MYZAP: variants seen among roughly 807,000 people sequenced by gnomAD.
The protein encoded by MYZAP is GRINL1A complex locus upstream.
In MYZAP, 66 loss-of-function variants were observed where a neutral mutation model predicts 69.4. The ratio of observed to expected loss-of-function variants is 0.95; its 90% confidence interval spans 0.78 to 1.17. MYZAP has a LOEUF of 1.17. MYZAP is among the 50% of genes most tolerant of loss of function. The probability of loss-of-function intolerance (pLI) is 0.00; values close to 1 mark genes in which losing one functional copy is unlikely to be tolerated. For missense variants in MYZAP, 611 were observed against 556.2 expected (o/e 1.10, Z -0.99); for synonymous variants, 256 against 205.9 (o/e 1.24, Z -2.09).
intron 8 of MYZAP, 84 bp downstream of exon 8, chr15:57,633,825 G>A (rs1471942407): frequency 1.5e-6 from 2 of 1,331,540 alleles, no homozygotes; most frequent in Admixed American, 3.0e-5. Context: ...CCCTGGATAT[G>A]GATTCCTCTC....
intron 10 of MYZAP, among the ~76,000 whole-genome samples, chr15:57,653,439 AC>A (rs1165959915): frequency 6.6e-6 from 1 of 152,194 alleles, no homozygotes; most frequent in Non-Finnish European, 1.5e-5. Flanking sequence ...ACAAAATAAA[AC>A]AAATTTTAAA....
At chr15:57,623,530 C>T (rs377130563) in intron 4 of MYZAP, among the ~76,000 whole-genome samples, 57 of 152,122 alleles carry the variant, frequency 3.7e-4, no homozygotes, top group African/African-American at 1.3e-3. Flanking sequence ...GTCAGGAGTT[C>T]GAGACCAGCC....
At chr15:57,609,301 C>T (rs1226178807) in intron 2 of MYZAP, among the ~76,000 whole-genome samples, 3 of 152,160 alleles carry the variant, frequency 2.0e-5, no homozygotes, top group African/African-American at 4.8e-5. Flanking sequence ...CTTCAATAAC[C>T]GAAAGTATTC....
chr15:57,604,433 G>GC (rs777508957), intron 2 of MYZAP, 78 bp downstream of exon 2: 331 of 1,516,444 alleles, frequency 2.2e-4, no homozygotes, highest in Non-Finnish European at 2.9e-4. Flanking sequence ...TCCTAACCAG[G>GC]CCATTCCCAG....
chr15:57,625,908 C>T lies in MYZAP; in HGVS notation c.525+16C>T. The stretch of plus-strand genomic sequence containing the variant: ...TGGCCTGCAGGTACTCATCTGCTTA[C>T]TGCTATGACAGGGCAACCCAGCTTA... On this transcript the variant is annotated intron_variant, in intron 5 of 12. Coordinates refer to ENST00000267853, the MANE Select transcript of MYZAP (RefSeq NM_001018100.5). 1 of 1,611,348 alleles carries T rather than the reference C, an allele frequency of 6.2e-7. No homozygotes were observed. The highest frequency in any genetic ancestry group is 8.5e-7 in the Non-Finnish European group (1 of 1,177,518).
At chr15:57,621,761 C>T (rs2035834045) in intron 4 of MYZAP, 61 bp downstream of exon 4, 23 of 1,525,608 alleles carry the variant, frequency 1.5e-5, no homozygotes, top group South Asian at 1.5e-4. Flanking sequence ...AGTGGTCCCT[C>T]AGTGGCTAGT....
chr15:57,659,070 A>G (rs2038149052), intron 10 of MYZAP, among the ~76,000 whole-genome samples: 1 of 152,132 alleles, frequency 6.6e-6, no homozygotes, highest in South Asian at 2.1e-4. Flanking sequence ...GTGAGCTGTT[A>G]CTGTTTTATT....
intron 11 of MYZAP, among the ~76,000 whole-genome samples, chr15:57,662,422 C>T (rs1228563688): frequency 3.9e-4 from 59 of 152,296 alleles, no homozygotes; most frequent in African/African-American, 1.4e-3. Context: ...CTGTTAGTTA[C>T]TTTGGATATG....
chr15:57,605,653 G>GT (rs2034696828), intron 2 of MYZAP, among the ~76,000 whole-genome samples: 1 of 152,188 alleles, frequency 6.6e-6, no homozygotes, highest in African/African-American at 2.4e-5. Flanking sequence ...AGCAAATGAA[G>GT]TTCTGACTAG....
Position 57,664,836 on chromosome 15 carries a change from T to C in MYZAP, c.1203+3303T>C, listed in dbSNP as rs1202925290. Reference sequence around the variant, plus strand: ...TAGTAGTGATGTGATATTGAGCAAGTTAATTAACTGTCCTATGCCTTAGTT... The same window carrying C: ...TAGTAGTGATGTGATATTGAGCAAGCTAATTAACTGTCCTATGCCTTAGTT... On this transcript the variant is annotated intron_variant, in intron 11 of 12. Coordinates refer to ENST00000267853, the MANE Select transcript of MYZAP (RefSeq NM_001018100.5). Among the ~76,000 whole-genome samples, 3 of 152,178 alleles carry C rather than the reference T, an allele frequency of 2.0e-5. No individual in the cohort carries two copies. The East Asian group carries it at 5.8e-4, about 29-fold the overall frequency.
At chr15:57,625,628 T>G in intron 4 of MYZAP, 151 bp from the exon 5 acceptor site, 1 of 705,344 alleles carries the variant, frequency 1.4e-6, no homozygotes, top group Non-Finnish European at 2.4e-6. Flanking sequence ...TCTCTCTGGA[T>G]CATGCAGATG....
intron 12 of MYZAP, among the ~76,000 whole-genome samples, chr15:57,681,540 T>C (rs939026996): frequency 1.3e-5 from 2 of 152,174 alleles, no homozygotes; most frequent in African/African-American, 4.8e-5. Flanking sequence ...TCCCAGCACT[T>C]TGGGAGGCCG....
At chr15:57,651,998 T>C (rs934129607) in intron 10 of MYZAP, among the ~76,000 whole-genome samples, 7 of 152,162 alleles carry the variant, frequency 4.6e-5, no homozygotes, top group Non-Finnish European at 7.4e-5. Flanking sequence ...TCCTTTTGAA[T>C]GGTATAGTTC....
At chr15:57,630,633 T>G (rs2036447641) in intron 6 of MYZAP, among the ~76,000 whole-genome samples, 1 of 152,162 alleles carries the variant, frequency 6.6e-6, no homozygotes, top group Non-Finnish European at 1.5e-5. Flanking sequence ...TAGCTGAACT[T>G]CTAATGCCCT....
At chr15:57,627,596 C>A (rs1212703404) in intron 5 of MYZAP, among the ~76,000 whole-genome samples, 2 of 152,154 alleles carry the variant, frequency 1.3e-5, no homozygotes, top group African/African-American at 4.8e-5. Context: ...GCCTCTTCCA[C>A]TGGCCCACTC....
intron 1 of MYZAP, among the ~76,000 whole-genome samples, chr15:57,596,604 C>G (rs796609918): frequency 2.8e-4 from 42 of 152,288 alleles, no homozygotes; most frequent in African/African-American, 1.0e-3. Flanking sequence ...TTCTAAAATG[C>G]TAAATCTAGT....
intron 1 of MYZAP, among the ~76,000 whole-genome samples, chr15:57,593,188 G>GCATGCGCGCGCGCGCGCGCGCGCA: frequency 8.8e-6 from 1 of 114,148 alleles, no homozygotes; most frequent in African/African-American, 3.4e-5. Flanking sequence ...GTACACAGGC[G>GCATGCGCGCGCGCGCGCGCGCGCA]CACACACACA....
intron 11 of MYZAP, 112 bp from the exon 12 acceptor site, chr15:57,674,856 A>G (rs1278184055): frequency 2.4e-6 from 2 of 824,132 alleles, no homozygotes; most frequent in Non-Finnish European, 1.9e-6. Flanking sequence ...ATACATTGTG[A>G]TAGTTGCCCA....
chr15:57,633,818 T>C (rs2036654215), intron 8 of MYZAP, 77 bp downstream of exon 8: 3 of 1,351,538 alleles, frequency 2.2e-6, no homozygotes, highest in African/African-American at 3.0e-5. Context: ...CGAGAGGCCC[T>C]GGATATGGAT....
Sources: allele counts gnomAD v4.1 joint callset (sites outside exome capture counted in the v4.1 genomes callset), GRCh38; gene constraint gnomAD v4.1.1; transcripts MANE v1.5; gene names NCBI Gene and HGNC (gene_info 2026-07-23, HGNC 2026-07-21).